The following NCAM2 variants were observed in gnomAD, a reference collection of about 807,000 sequenced individuals.
The protein encoded by NCAM2 is N-CAM-2.
In NCAM2, 30 loss-of-function variants were observed where a neutral mutation model predicts 98.1. The observed-to-expected ratio is 0.31, with a 90% CI of 0.23 to 0.41. The LOEUF (loss-of-function observed/expected upper bound fraction) is 0.41. Ranked by LOEUF, NCAM2 falls within the 10% of genes least tolerant of loss-of-function variation. The pLI, the probability that NCAM2 is intolerant of heterozygous loss-of-function variation, is 1.00. For synonymous variants in NCAM2, 368 were observed against 342.4 expected (o/e 1.07, Z -0.83); for missense variants, 867 against 1,005.8 (o/e 0.86, Z 1.87).
intron 1 of NCAM2, among the ~76,000 whole-genome samples, chr21:20,999,264 G>A (rs1257808897): frequency 3.3e-5 from 5 of 151,930 alleles, no homozygotes; most frequent in Non-Finnish European, 5.9e-5. Flanking sequence ...AATACAGAAA[G>A]GTGGAATCAT....
chr21:21,014,206 A>G (rs1568927680), intron 1 of NCAM2, among the ~76,000 whole-genome samples: 1 of 152,104 alleles, frequency 6.6e-6, no homozygotes, highest in Non-Finnish European at 1.5e-5. Flanking sequence ...AAGGCAGATC[A>G]TGAGGTCAAG....
intron 1 of NCAM2, among the ~76,000 whole-genome samples, chr21:21,123,524 C>A (rs981693538): frequency 2.0e-5 from 3 of 152,132 alleles, no homozygotes; most frequent in Non-Finnish European, 4.4e-5. Flanking sequence ...TAATCCCACC[C>A]CCGTGGTGAG....
At chr21:21,122,382 T>A (rs2066693691) in intron 1 of NCAM2, among the ~76,000 whole-genome samples, 1 of 152,192 alleles carries the variant, frequency 6.6e-6, no homozygotes, top group Admixed American at 6.5e-5. Flanking sequence ...AGCCCTAATT[T>A]AGTAACAGGA....
At chr21:21,033,047 G>A (rs1404090669) in intron 1 of NCAM2, among the ~76,000 whole-genome samples, 1 of 151,606 alleles carries the variant, frequency 6.6e-6, no homozygotes, top group African/African-American at 2.4e-5. Flanking sequence ...TGGGTTCAAA[G>A]GTTTCTCCTG....
intron 4 of NCAM2, among the ~76,000 whole-genome samples, chr21:21,286,765 C>G (rs1450201765): frequency 1.3e-5 from 2 of 151,712 alleles, no homozygotes; most frequent in Admixed American, 6.6e-5. Context: ...TCATTAGTAC[C>G]TGGAGATTTA....
intron 1 of NCAM2, among the ~76,000 whole-genome samples, chr21:21,183,048 A>G (rs2068530515): frequency 6.6e-6 from 1 of 152,178 alleles, no homozygotes; most frequent in African/African-American, 2.4e-5. Flanking sequence ...CTGTGCATAC[A>G]TTCTGTGATA....
intron 11 of NCAM2, among the ~76,000 whole-genome samples, chr21:21,430,182 C>A (rs1173040250): frequency 6.6e-6 from 1 of 151,812 alleles, no homozygotes; most frequent in Non-Finnish European, 1.5e-5. Context: ...GCACACTCCA[C>A]TACACCCGGC....
chr21:21,472,727 G>A (rs183196496), intron 14 of NCAM2, among the ~76,000 whole-genome samples: 1 of 151,996 alleles, frequency 6.6e-6, no homozygotes, highest in Admixed American at 6.6e-5. Context: ...TTATAGATAT[G>A]AGAACACAGA....
chr21:21,452,950 CTATATATTATATATTATATATTAT>C (rs1423503601), intron 12 of NCAM2, among the ~76,000 whole-genome samples: 31 of 73,932 alleles, frequency 4.2e-4, no homozygotes, highest in African/African-American at 1.5e-3. Flanking sequence ...ATAATTTATA[CTATATATTATATATTATATATTAT>C]TATATATTAT....
At chr21:21,275,178 C>T (rs2072678448) in intron 1 of NCAM2, among the ~76,000 whole-genome samples, 1 of 152,000 alleles carries the variant, frequency 6.6e-6, no homozygotes, top group Non-Finnish European at 1.5e-5. Flanking sequence ...CGGTGGCTCA[C>T]GCCTGTAATC....
chr21:21,454,640 TATTA>T (rs1981853183), intron 12 of NCAM2, among the ~76,000 whole-genome samples: 1 of 152,020 alleles, frequency 6.6e-6, no homozygotes, highest in Admixed American at 6.6e-5. Context: ...TTGGTTTCAG[TATTA>T]ATTAATCTCA....
chr21:21,049,266 G>A (rs376546220), intron 1 of NCAM2, among the ~76,000 whole-genome samples: 18 of 151,336 alleles, frequency 1.2e-4, no homozygotes, highest in South Asian at 4.2e-4. Flanking sequence ...TGATCCACCC[G>A]CCTCGGCCTC....
intron 12 of NCAM2, among the ~76,000 whole-genome samples, chr21:21,461,155 G>GA (rs1462188546): frequency 2.6e-5 from 4 of 151,766 alleles, no homozygotes; most frequent in Non-Finnish European, 4.4e-5. Flanking sequence ...AGTGGACCTT[G>GA]AAAAAACGTC....
Position 21,254,781 on chromosome 21 carries a change from G to A in NCAM2, c.56-25797G>A, listed in dbSNP as rs559526334. Among the ~76,000 whole-genome samples, 5 of 152,132 alleles carry A rather than the reference G, an allele frequency of 3.3e-5. No individual in the cohort carries two copies. In the East Asian group the frequency reaches 7.7e-4, roughly 24 times the overall value. On this transcript the variant is annotated intron_variant, in intron 1 of 17. Coordinates refer to ENST00000400546, the MANE Select transcript of NCAM2 (RefSeq NM_004540.5). ...GGTGTTAGAATAAGAAGATCACCTC[G>A]GCGATAGGGTTATAGGCCCTCCATT...
chr21:21,410,789 A>T (rs1055624166), intron 10 of NCAM2, among the ~76,000 whole-genome samples: 1 of 151,082 alleles, frequency 6.6e-6, no homozygotes, highest in African/African-American at 2.4e-5. Flanking sequence ...AGGGCAGATC[A>T]CAAGGTCAGG....
intron 16 of NCAM2, among the ~76,000 whole-genome samples, chr21:21,533,685 T>C: frequency 6.6e-6 from 1 of 151,172 alleles, no homozygotes; most frequent in South Asian, 2.1e-4. Flanking sequence ...TTGAAATCTT[T>C]ATTAGGAGTA....
At chr21:21,134,231 G>C (rs564428129) in intron 1 of NCAM2, among the ~76,000 whole-genome samples, 1 of 152,086 alleles carries the variant, frequency 6.6e-6, no homozygotes, top group South Asian at 2.1e-4. Flanking sequence ...ACCATGCCTG[G>C]CTAATTTTTT....
chr21:21,013,968 T>C (rs1038582403), intron 1 of NCAM2, among the ~76,000 whole-genome samples: 33 of 152,200 alleles, frequency 2.2e-4, no homozygotes, highest in Non-Finnish European at 1.2e-4. Flanking sequence ...AATTTTAATA[T>C]AGAAGAAACA....
chr21:21,373,003 A>G lies in NCAM2; in HGVS notation c.1045-860A>G, dbSNP rs2075954194. ...ATGAATAATTTGCTTTGCATTATTA[A>G]TAATGTATTTTGTTGTTATATTCCA... On this transcript the variant is annotated intron_variant, in intron 8 of 17. Transcript: ENST00000400546. Among the ~76,000 whole-genome samples the G allele has an allele frequency of 1.3e-5, 2 of 151,832 alleles. 1 individual carries two copies. The highest frequency in any genetic ancestry group is 4.1e-4 in the South Asian group (2 of 4,834).
Sources: gnomAD v4.1 joint callset for allele counts (sites outside exome capture counted in the v4.1 genomes callset) on GRCh38, gnomAD v4.1.1 for gene constraint, MANE v1.5 for transcripts, NCBI Gene and HGNC (gene_info 2026-07-23, HGNC 2026-07-21) for gene names.